Variants in NPAS3 observed in about 807,000 individuals in gnomAD.
The protein encoded by NPAS3 is neuronal PAS domain-containing protein 3.
A neutral mutation model predicts 73.1 loss-of-function variants in NPAS3; 14 were observed. The observed-to-expected ratio is 0.19, with a 90% CI of 0.13 to 0.30. NPAS3 has a LOEUF of 0.30. NPAS3 is among the 10% of genes least tolerant of loss of function. The pLI is 1.00. For synonymous variants in NPAS3, 620 were observed against 541.5 expected, an observed-to-expected ratio of 1.14 and a Z score of -2.01; for missense variants, 1,096 against 1,250.0, an observed-to-expected ratio of 0.88 and a Z score of 1.86.
chr14:32,940,813 C>G (rs563858115), intron 1 of NPAS3, among the ~76,000 whole-genome samples: 2 of 152,048 alleles, frequency 1.3e-5, no homozygotes, highest in African/African-American at 4.8e-5. Context: ...TTCTTTCATA[C>G]GATAGGGAAG....
At chr14:33,464,742 C>T (rs1000613908) in intron 4 of NPAS3, among the ~76,000 whole-genome samples, 1 of 152,162 alleles carries the variant, frequency 6.6e-6, no homozygotes, top group African/African-American at 2.4e-5. Flanking sequence ...GTCATAGGCT[C>T]TGTTTGGCGA....
At chr14:33,529,596 C>T (rs552935001) in intron 4 of NPAS3, among the ~76,000 whole-genome samples, 2 of 152,104 alleles carry the variant, frequency 1.3e-5, no homozygotes, top group African/African-American at 4.8e-5. Context: ...AAGTAATGGG[C>T]ATCCTAAAGA....
At chr14:33,451,533 G>A (rs539158818) in intron 4 of NPAS3, among the ~76,000 whole-genome samples, 71 of 152,158 alleles carry the variant, frequency 4.7e-4, no homozygotes, top group African/African-American at 1.7e-3. Context: ...CCTCTCTCTC[G>A]ATCATTTTCA....
chr14:33,354,393 C>A (rs533222723), intron 3 of NPAS3, among the ~76,000 whole-genome samples: 44 of 152,304 alleles, frequency 2.9e-4, no homozygotes, highest in African/African-American at 9.6e-4. Flanking sequence ...CTTTCTAGGA[C>A]ATGGCTGCCG....
At position 33,189,238 on chromosome 14, in the gene NPAS3, C is replaced by T. The variant is rs1374342695; in HGVS notation, c.141-25944C>T. On this transcript the variant is annotated intron_variant, in intron 2 of 11. Transcript: ENST00000356141. ...AATGCAAAGGATATTGTGTTCTGCCCTATCGGTGCCAAAAGTTCACAGAAG... is the reference window on the plus strand; with the variant it reads ...AATGCAAAGGATATTGTGTTCTGCCTTATCGGTGCCAAAAGTTCACAGAAG... Among the ~76,000 whole-genome samples, 8 of 152,166 alleles carry T rather than the reference C, an allele frequency of 5.3e-5. No individual in the cohort carries two copies. In the East Asian group the frequency reaches 1.5e-3, roughly 29 times the overall value.
intron 3 of NPAS3, among the ~76,000 whole-genome samples, chr14:33,321,731 G>A (rs976765512): frequency 1.3e-5 from 2 of 151,868 alleles, no homozygotes; most frequent in African/African-American, 4.8e-5. Context: ...CACAAAGTAG[G>A]TGCTCAATAT....
At chr14:33,383,618 C>T (rs2046650885) in intron 4 of NPAS3, among the ~76,000 whole-genome samples, 1 of 152,142 alleles carries the variant, frequency 6.6e-6, no homozygotes, top group African/African-American at 2.4e-5. Context: ...TTATGAATAC[C>T]TTTAATTGCT....
At chr14:33,093,589 T>C (rs1385779882) in intron 2 of NPAS3, among the ~76,000 whole-genome samples, 1 of 151,714 alleles carries the variant, frequency 6.6e-6, no homozygotes, top group Non-Finnish European at 1.5e-5. Context: ...GAACTAGAAA[T>C]ACCATTTGAC....
intron 2 of NPAS3, among the ~76,000 whole-genome samples, chr14:33,182,830 A>G (rs2045843165): frequency 6.6e-6 from 1 of 151,972 alleles, no homozygotes; most frequent in Admixed American, 6.6e-5. Context: ...TTCATAACCA[A>G]TTTTTTGGAA....
chr14:33,179,316 T>C (rs1457603163), intron 2 of NPAS3, among the ~76,000 whole-genome samples: 1 of 152,232 alleles, frequency 6.6e-6, no homozygotes, highest in African/African-American at 2.4e-5. Context: ...CTGAACTATT[T>C]GAGTGCATCA....
intron 6 of NPAS3, among the ~76,000 whole-genome samples, chr14:33,728,558 A>T (rs2061329059): frequency 6.6e-6 from 1 of 152,176 alleles, no homozygotes. Context: ...AGTGGCTGCA[A>T]CTGCATAGTC....
chr14:33,719,850 T>C (rs578211912), intron 6 of NPAS3, among the ~76,000 whole-genome samples: 62 of 152,290 alleles, frequency 4.1e-4, no homozygotes, highest in African/African-American at 1.5e-3. Context: ...GCACTCTTTC[T>C]TCTCAAGGTA....
At chr14:33,633,145 A>G (rs1322318281) in intron 5 of NPAS3, among the ~76,000 whole-genome samples, 1 of 152,240 alleles carries the variant, frequency 6.6e-6, no homozygotes, top group African/African-American at 2.4e-5. Context: ...TAGGGAGGAT[A>G]TGCTTAGGTT....
intron 3 of NPAS3, among the ~76,000 whole-genome samples, chr14:33,298,111 G>A (rs1284033069): frequency 2.6e-5 from 4 of 152,070 alleles, no homozygotes; most frequent in Non-Finnish European, 4.4e-5. Flanking sequence ...GTGAAACCCC[G>A]TCTCTACTAA....
intron 2 of NPAS3, among the ~76,000 whole-genome samples, chr14:33,165,975 T>C (rs190769559): frequency 5.6e-4 from 86 of 152,336 alleles, no homozygotes; most frequent in African/African-American, 2.0e-3. Flanking sequence ...TCCTGCCTTC[T>C]TTAGCCACGC....
intron 10 of NPAS3, among the ~76,000 whole-genome samples, chr14:33,795,190 G>A (rs2063476265): frequency 6.6e-6 from 1 of 152,206 alleles, no homozygotes; most frequent in African/African-American, 2.4e-5. Context: ...AGACACTAAT[G>A]ATTATTGCTC....
intron 6 of NPAS3, among the ~76,000 whole-genome samples, chr14:33,726,510 C>T (rs754440230): frequency 1.7e-4 from 26 of 152,146 alleles, no homozygotes; most frequent in Middle Eastern, 3.2e-3. Flanking sequence ...TTCACCCAGA[C>T]GTCCATGACT....
chr14:33,782,117 C>T (rs947999072), intron 9 of NPAS3, among the ~76,000 whole-genome samples: 9 of 152,190 alleles, frequency 5.9e-5, no homozygotes, highest in African/African-American at 2.2e-4. Context: ...TGACCAAAGA[C>T]GTCTGTGATT....
intron 4 of NPAS3, among the ~76,000 whole-genome samples, chr14:33,531,180 G>T (rs1293693544): frequency 6.6e-6 from 1 of 151,942 alleles, no homozygotes; most frequent in Non-Finnish European, 1.5e-5. Context: ...AAGGAAGTGT[G>T]GGTCTTAAAA....
Sources: allele counts gnomAD v4.1 joint callset (sites outside exome capture counted in the v4.1 genomes callset), GRCh38; gene constraint gnomAD v4.1.1; transcripts MANE v1.5; gene names NCBI Gene and HGNC (gene_info 2026-07-23, HGNC 2026-07-21).